The following PPRC1 variants were observed in gnomAD, a reference collection of about 807,000 sequenced individuals.
PPRC1 encodes the protein PPARG related coactivator 1.
In PPRC1, 23 loss-of-function variants were observed where a neutral mutation model predicts 132.5. The ratio of observed to expected loss-of-function variants is 0.17; its 90% CI spans 0.12 to 0.25. The LOEUF is 0.25. Among genes scored for constraint, PPRC1 ranks in the 10% least tolerant of loss-of-function variants. PPRC1 has a pLI of 1.00. For missense variants in PPRC1, 2,006 were observed against 2,089.1 expected, an observed-to-expected ratio of 0.96 and a Z score of 0.78; for synonymous variants, 872 against 833.5, an observed-to-expected ratio of 1.05 and a Z score of -0.80.
chr10:102,144,523 T>C lies in PPRC1; in HGVS notation c.3608+216T>C, dbSNP rs970898466. 2.1e-5 allele frequency: 12 copies of C among 583,552 alleles called. No homozygotes were observed. In the Admixed American group the frequency reaches 2.6e-4, roughly 12 times the overall value. 36.1% of individuals were successfully genotyped at this position (583,552 alleles called of 1,614,324 possible). On this transcript the variant is annotated intron_variant, in intron 7 of 13. Transcript: ENST00000278070. Reference sequence around the variant, plus strand: ...GCATGTTCACTGCCCTCCAGCTGATTCCAGTCGGGCTCCAAATGTCCTAGA... The same window carrying C: ...GCATGTTCACTGCCCTCCAGCTGATCCCAGTCGGGCTCCAAATGTCCTAGA...
At chr10:102,138,835 G>T (rs1408140883) in intron 3 of PPRC1, 44 bp from the exon 4 acceptor site, 1 of 1,611,924 alleles carries the variant, frequency 6.2e-7, no homozygotes, top group Admixed American at 1.7e-5. Flanking sequence ...TACTCATATA[G>T]CTCTGAAGCA....
At chr10:102,123,776 C>T in the PPRC1 span, among the ~76,000 whole-genome samples, 1 of 151,750 alleles carries the variant, frequency 6.6e-6, no homozygotes, top group Non-Finnish European at 1.5e-5. Flanking sequence ...TCAGGTGATC[C>T]GCCCACCTTG....
chr10:102,149,108 A>G (rs963549233), intron 12 of PPRC1, 70 bp from the exon 13 acceptor site: 1 of 1,526,700 alleles, frequency 6.6e-7, no homozygotes, highest in African/African-American at 1.4e-5. Flanking sequence ...GTACCTTGGG[A>G]TGCTGTGTCT....
intron 5 of PPRC1, among the ~76,000 whole-genome samples, chr10:102,142,484 T>C (rs1321500307): frequency 1.5e-5 from 2 of 132,490 alleles, no homozygotes; most frequent in East Asian, 5.0e-4. Context: ...AGTGGCGTGA[T>C]CTCGGCTCAC....
At chr10:102,130,473 C>T (rs992409412), upstream of PPRC1, among the ~76,000 whole-genome samples, 15 of 148,560 alleles carry the variant, frequency 1.0e-4, no homozygotes, top group African/African-American at 2.0e-4. Context: ...CAGTGGCTCA[C>T]GCCCGTAATC....
In PPRC1 at chr10:102,142,112, GTTT is replaced by G. The variant is rs547976088; in HGVS notation, c.3496+113_3496+115del. 1.9e-4 allele frequency: 258 copies of G among 1,326,200 alleles called. 4 individuals are homozygous for G. In the East Asian group the frequency reaches 6.0e-3, roughly 31 times the overall value. The allele number at this position is 1,326,200 out of a possible 1,614,324, so 82.2% of individuals were successfully genotyped here. On this transcript the variant is annotated intron_variant, in intron 5 of 13. Transcript: ENST00000278070. ...GCCTTTGTTGGATTTCTTTGGAGGAGTTTTTTTGTTTTTATTTTGAGATGGAGT... is the reference window on the plus strand; with the variant it reads ...GCCTTTGTTGGATTTCTTTGGAGGAGTTTTGTTTTTATTTTGAGATGGAGT...
upstream of PPRC1, among the ~76,000 whole-genome samples, chr10:102,130,416 CAAAAA>C (rs1203599289): frequency 6.3e-5 from 1 of 15,978 alleles, no homozygotes; most frequent in Non-Finnish European, 1.5e-4. Flanking sequence ...GAATCCTTCT[CAAAAA>C]AAAAAAAAAA....
chr10:102,148,630 A>T lies in PPRC1; in HGVS notation c.4553A>T (p.Tyr1518Phe), dbSNP rs1386359895. 6.2e-7 allele frequency: 1 copy of T among 1,614,026 alleles called. No individual in the cohort carries two copies. The highest frequency in any genetic ancestry group is 8.5e-7 in the Non-Finnish European group (1 of 1,180,018). The change falls in exon 11 of 14, where the codon TAC (tyrosine) becomes TTC (phenylalanine). Residue 1518 changes from tyrosine (Y) to phenylalanine (F), a missense_variant and splice_region_variant. Transcript: ENST00000278070. This position sits in a 1 kb window ranked among gnomAD's most constrained non-coding sequence, Gnocchi z 4.2. Reference sequence around the variant, plus strand: ...CTGATGACACCCTCTTTTGTCAGGTACAGCTCTTATCGTTCACATGACCAT... The same window carrying T: ...CTGATGACACCCTCTTTTGTCAGGTTCAGCTCTTATCGTTCACATGACCAT... Reference protein sequence around the residue: ...PRRRSDRRRRYSSYRSHDHYQ... With the variant: ...PRRRSDRRRRFSSYRSHDHYQ...
chr10:102,140,988 C>T lies in PPRC1; in HGVS notation c.2480C>T (p.Ala827Val), dbSNP rs2068948156. ...CTTGTGCCTGTAGGTCCCAGCCCTG[C>T]TTCTCCTAGTCCTGAGCCACCTGTA... ...ICLVPVGPSP[A>V]SPSPEPPVSK... The change falls in exon 5 of 14, where the codon GCT becomes GTT. Residue 827 changes from alanine to valine, a missense_variant. Physicochemically the swap from Ala to Val is moderately conservative, Grantham distance 64. This residue lies in a region of PPRC1 where 1,914 missense variants were observed against 1,917.2 expected (regional missense o/e 1.00). Transcript: ENST00000278070. The T allele has an allele frequency of 6.2e-7, 1 of 1,614,076 alleles. No homozygotes were observed.
Position 102,147,093 on chromosome 10 carries a change from A to G in PPRC1, c.4101A>G (p.Ala1367=). The G allele has an allele frequency of 6.2e-7, 1 of 1,613,978 alleles. No homozygotes were observed. The highest frequency in any genetic ancestry group is 1.1e-5 in the South Asian group (1 of 91,068). Residue 1367 remains alanine, a synonymous_variant, in exon 9 of 14, where the codon GCA becomes GCG. Coordinates refer to ENST00000278070, the MANE Select transcript of PPRC1 (RefSeq NM_015062.5). ...RTSSEQADPS[A]PCLAPSSLLS... ...GCAGTGAGCAGGCAGATCCCTCAGC[A>G]CCCTGCCTTGCCCCATCCAGCTTGC...
Position 102,140,806 on chromosome 10 carries a change from A to G in PPRC1, c.2298A>G (p.Glu766=), listed in dbSNP as rs2068936383. ...YRRRRQQRQA[E]TEERSPQPPT... Reference sequence around the variant, plus strand: ...GACGAAGGCAGCAACGCCAAGCAGAAACAGAAGAGAGAAGTCCACAGCCCC... The same window carrying G: ...GACGAAGGCAGCAACGCCAAGCAGAGACAGAAGAGAGAAGTCCACAGCCCC... The change falls in exon 5 of 14, where the codon GAA becomes GAG. Residue 766 remains glutamate, a synonymous_variant. Transcript: ENST00000278070. The G allele has an allele frequency of 6.2e-7, 1 of 1,613,946 alleles. No individual in the cohort carries two copies. The highest frequency in any genetic ancestry group is 1.3e-5 in the African/African-American group (1 of 74,998).
Position 102,140,222 on chromosome 10 carries a change from A to T in PPRC1, c.1714A>T (p.Thr572Ser), listed in dbSNP as rs752004219. 1.2e-6 allele frequency: 2 copies of T among 1,613,664 alleles called. No homozygotes were observed. Among genetic ancestry groups the T allele is most frequent in the Non-Finnish European group, 8.5e-7 (1 of 1,179,872 alleles). ...ADTIQTNPIP[T>S]HLSLVDSAQA... ...CACTATCCAAACCAATCCTATACCA[A>T]CCCATCTCTCATTGGTCGACTCTGC... Residue 572 changes from threonine (T) to serine (S), a missense_variant, in exon 5 of 14, where the codon ACC (threonine) becomes TCC (serine). By Grantham distance (58) the Thr-to-Ser change is moderately conservative. Coordinates refer to ENST00000278070, the MANE Select transcript of PPRC1 (RefSeq NM_015062.5).
chr10:102,120,381 G>A, the PPRC1 span: 1 of 984,532 alleles, frequency 1.0e-6, no homozygotes, highest in Non-Finnish European at 1.2e-6. Flanking sequence ...CCGTGTGTGC[G>A]TGTGTGCGCG....
At position 102,144,717 on chromosome 10, in the gene PPRC1, C is replaced by T. The variant is rs114459340; in HGVS notation, c.3609-303C>T. On this transcript the variant is annotated intron_variant, in intron 7 of 13. Coordinates refer to ENST00000278070, the MANE Select transcript of PPRC1 (RefSeq NM_015062.5). ...TGATCCTCCATCCTGTTCTGCCAAG[C>T]ATGTTCCCCTCCACATTGATTTCAG... The T allele has an allele frequency of 1.9e-3, 936 of 485,222 alleles. 16 individuals carry two copies. Among genetic ancestry groups the T allele is most frequent in the African/African-American group, 0.016 (842 of 51,756 alleles). The allele number at this position is 485,222 out of a possible 1,614,324, so 30.1% of individuals were successfully genotyped here.
chr10:102,143,205 C>A, intron 6 of PPRC1, 107 bp downstream of exon 6: 1 of 984,760 alleles, frequency 1.0e-6, no homozygotes, highest in Non-Finnish European at 1.6e-6. Context: ...GCCTTAGCCA[C>A]TGGAGCAGAC....
Position 102,141,547 on chromosome 10 carries a change from A to G in PPRC1, c.3039A>G (p.Gln1013=), listed in dbSNP as rs375110579. ...CCTCCATTGGGAGAGCTGTTCCCCA[A>G]CCTAAAATGGAGTCTAGGGGCACTC... ...PPASIGRAVP[Q]PKMESRGTPA... Residue 1013 remains glutamine, a synonymous_variant, in exon 5 of 14, where the codon CAA becomes CAG. Transcript: ENST00000278070. The G allele has an allele frequency of 2.0e-4, 327 of 1,613,846 alleles. No individual in the cohort carries two copies. Among genetic ancestry groups the G allele is most frequent in the Admixed American group, 6.3e-4 (38 of 59,992 alleles).
rs1318292243 is a variant in PPRC1, at chr10:102,140,852, C to A, written c.2344C>A (p.Leu782Ile). 7 of 1,614,112 alleles carry A rather than the reference C, an allele frequency of 4.3e-6. No homozygotes were observed. Among genetic ancestry groups the A allele is most frequent in the Non-Finnish European group, 5.1e-6 (6 of 1,180,036 alleles). Residue 782 changes from leucine to isoleucine, a missense_variant, in exon 5 of 14, where the codon CTT (leucine) becomes ATT (isoleucine). Physicochemically the swap from Leu to Ile is conservative, Grantham distance 5 (BLOSUM62 2). This residue lies in a region of PPRC1 where 1,914 missense variants were observed against 1,917.2 expected (regional missense o/e 1.00). Coordinates refer to ENST00000278070, the MANE Select transcript of PPRC1 (RefSeq NM_015062.5). Reference sequence around the variant, plus strand: ...GCCCCCAACTGGGAAGTGGCCTAGCCTTCCAGAGACTCCCACAGGGCTGGC... The same window carrying A: ...GCCCCCAACTGGGAAGTGGCCTAGCATTCCAGAGACTCCCACAGGGCTGGC... ...PQPPTGKWPS[L>I]PETPTGLADI...
At chr10:102,125,880 TAGAC>T in the PPRC1 span, among the ~76,000 whole-genome samples, 2 of 150,918 alleles carry the variant, frequency 1.3e-5, no homozygotes, top group Non-Finnish European at 3.0e-5. Flanking sequence ...TTTTTTTTTT[TAGAC>T]AGAGTTTCGC....
At chr10:102,143,986 A>G (rs1000093356) in intron 6 of PPRC1, among the ~76,000 whole-genome samples, 1 of 152,260 alleles carries the variant, frequency 6.6e-6, no homozygotes, top group African/African-American at 2.4e-5. Flanking sequence ...CAGATCATAG[A>G]TCACCTTGAA....
Sources: allele counts gnomAD v4.1 joint callset (sites outside exome capture counted in the v4.1 genomes callset), GRCh38; gene constraint gnomAD v4.1.1; regional missense constraint gnomAD v4.1.1; non-coding constraint Gnocchi (gnomAD v3.1); transcripts MANE v1.5; gene names NCBI Gene and HGNC (gene_info 2026-07-23, HGNC 2026-07-21).